The following LRRTM4 variants were observed in gnomAD, a reference collection of about 807,000 sequenced individuals.
The protein encoded by LRRTM4 is leucine-rich repeat transmembrane neuronal protein 4.
Under a neutral mutation model 47.6 loss-of-function variants are expected in LRRTM4, and 25 were observed. The ratio of observed to expected loss-of-function variants is 0.53; its 90% CI spans 0.38 to 0.73. The LOEUF (loss-of-function observed/expected upper bound fraction) is 0.73, where lower values mean the gene tolerates loss of function less well. Ranked by LOEUF, LRRTM4 falls within the 30% of genes least tolerant of loss-of-function variation. LRRTM4 has a pLI of 0.00. For synonymous variants in LRRTM4, 311 were observed against 269.5 expected, an observed-to-expected ratio of 1.15 and a Z score of -1.51; for missense variants, 638 against 713.4, an observed-to-expected ratio of 0.89 and a Z score of 1.20.
intron 3 of LRRTM4, among the ~76,000 whole-genome samples, chr2:77,283,616 T>C (rs1430866459): frequency 1.3e-5 from 2 of 152,066 alleles, no homozygotes; most frequent in African/African-American, 2.4e-5. Flanking sequence ...ATGGTTCATA[T>C]ACACCATGGA....
rs543245845 is a variant in LRRTM4 at position 76,880,794 on chromosome 2, A to G, written c.1552-131878T>C. On this transcript the variant is annotated intron_variant, in intron 3 of 3. Transcript: ENST00000409884. ...AGTGGGCAAACACAGTTACAACTACAACAATATCAGCAATGGCTTATTAAT... is the reference window on the plus strand; with the variant it reads ...AGTGGGCAAACACAGTTACAACTACGACAATATCAGCAATGGCTTATTAAT... Among the ~76,000 whole-genome samples the G allele has an allele frequency of 4.6e-5, 7 of 152,292 alleles. No homozygotes were observed. The South Asian group carries it at 1.2e-3, about 27-fold the overall frequency.
chr2:77,145,254 G>GTATA (rs34296253), intron 3 of LRRTM4, among the ~76,000 whole-genome samples: 33 of 149,562 alleles, frequency 2.2e-4, no homozygotes, highest in Admixed American at 4.7e-4. Context: ...ATCTATATGT[G>GTATA]TATATATATA....
chr2:77,210,442 T>C (rs2103921004), intron 3 of LRRTM4, among the ~76,000 whole-genome samples: 1 of 152,250 alleles, frequency 6.6e-6, no homozygotes, highest in East Asian at 1.9e-4. Flanking sequence ...TTAAAAATAG[T>C]TTAGGAAGTA....
chr2:76,759,540 A>G (rs1296319527), intron 3 of LRRTM4, among the ~76,000 whole-genome samples: 1 of 152,120 alleles, frequency 6.6e-6, no homozygotes, highest in Non-Finnish European at 1.5e-5. Context: ...CTTATAACTC[A>G]AGGCCTGGGA....
chr2:77,190,291 C>CTTTT (rs143873795), intron 3 of LRRTM4, among the ~76,000 whole-genome samples: 3 of 103,908 alleles, frequency 2.9e-5, no homozygotes, highest in Non-Finnish European at 3.6e-5. Context: ...GCATTTTCAT[C>CTTTT]TTTTTTTTTT....
chr2:77,173,612 A>G (rs1673114595), intron 3 of LRRTM4, among the ~76,000 whole-genome samples: 1 of 152,158 alleles, frequency 6.6e-6, no homozygotes, highest in African/African-American at 2.4e-5. Context: ...CTGTAGTGAC[A>G]TATTGCCACC....
chr2:76,953,219 A>C lies in LRRTM4; in HGVS notation c.1552-204303T>G, dbSNP rs1313894591. Among the ~76,000 whole-genome samples, 3 of 151,890 alleles carry C rather than the reference A, an allele frequency of 2.0e-5. 1 individual carries two copies. Among genetic ancestry groups the C allele is most frequent in the Admixed American group, 1.3e-4 (2 of 15,224 alleles). On this transcript the variant is annotated intron_variant, in intron 3 of 3. Transcript: ENST00000409884. ...AAAAAGAAAAACTTCAAACAAGAAGAGTTTATGGATGTCACCATGATAACA... is the reference window on the plus strand; with the variant it reads ...AAAAAGAAAAACTTCAAACAAGAAGCGTTTATGGATGTCACCATGATAACA...
At chr2:76,805,846 G>C (rs747539886) in intron 3 of LRRTM4, among the ~76,000 whole-genome samples, 4 of 151,658 alleles carry the variant, frequency 2.6e-5, no homozygotes, top group Non-Finnish European at 4.4e-5. Context: ...CTCACATCCT[G>C]ACTTTGGGGA....
At chr2:77,149,861 C>A (rs1432218311) in intron 3 of LRRTM4, among the ~76,000 whole-genome samples, 1 of 152,158 alleles carries the variant, frequency 6.6e-6, no homozygotes, top group African/African-American at 2.4e-5. Flanking sequence ...CACTCTCCCT[C>A]CTGCTCTGAT....
intron 3 of LRRTM4, among the ~76,000 whole-genome samples, chr2:76,974,857 G>A (rs60629265): frequency 0.018 from 2,651 of 151,476 alleles, 97 homozygotes; most frequent in African/African-American, 0.06. Context: ...TTAATTGGAG[G>A]AAATCACATG....
chr2:77,362,760 G>T (rs771393550), intron 3 of LRRTM4, among the ~76,000 whole-genome samples: 1 of 151,890 alleles, frequency 6.6e-6, no homozygotes, highest in East Asian at 1.9e-4. Flanking sequence ...CTTTTTGTTC[G>T]TAAAAATCAA....
intron 3 of LRRTM4, among the ~76,000 whole-genome samples, chr2:76,849,041 C>G (rs1671916285): frequency 6.6e-6 from 1 of 152,020 alleles, no homozygotes; most frequent in African/African-American, 2.4e-5. Flanking sequence ...TTCTTTCTCT[C>G]CCCCTATCTT....
chr2:76,929,945 G>A (rs1232932201), intron 3 of LRRTM4, among the ~76,000 whole-genome samples: 1 of 151,814 alleles, frequency 6.6e-6, no homozygotes, highest in South Asian at 2.1e-4. Context: ...GTGTGTGTGT[G>A]TGTGTGTGTG....
rs185811676 is a variant in LRRTM4, at chr2:76,976,832, G to A, written c.1552-227916C>T. 1.2e-3 allele frequency among the ~76,000 whole-genome samples: 177 copies of A among 151,962 alleles called. 2 individuals are homozygous for A. The highest frequency in any genetic ancestry group is 0.011 in the Admixed American group (171 of 15,218). ...TGTATATTTTCAAAAAGCCAGGAGA[G>A]AGGATTTTGAATGCTCATAACACAA... On this transcript the variant is annotated intron_variant, in intron 3 of 3. Coordinates refer to ENST00000409884, the MANE Select transcript of LRRTM4 (RefSeq NM_001134745.3).
intron 3 of LRRTM4, among the ~76,000 whole-genome samples, chr2:77,383,483 C>G (rs1673141120): frequency 6.6e-6 from 1 of 151,970 alleles, no homozygotes; most frequent in Non-Finnish European, 1.5e-5. Flanking sequence ...ATCTATTTGT[C>G]AAAGCTTTGA....
intron 3 of LRRTM4, among the ~76,000 whole-genome samples, chr2:77,383,999 T>C (rs1430297210): frequency 1.3e-5 from 2 of 152,138 alleles, no homozygotes; most frequent in Non-Finnish European, 2.9e-5. Context: ...GCATGACAGA[T>C]ACATTTGAAT....
chr2:76,985,464 T>C lies in LRRTM4; in HGVS notation c.1552-236548A>G, dbSNP rs777907034. Among the ~76,000 whole-genome samples, 219 of 152,064 alleles carry C rather than the reference T, an allele frequency of 1.4e-3. 1 individual carries two copies. The highest frequency in any genetic ancestry group is 2.0e-3 in the Non-Finnish European group (139 of 67,958). ...CAGAGGAATAAGAAGCAATAGGATG[T>C]CCCTTCCAGAGACCTTGAGTGACAG... On this transcript the variant is annotated intron_variant, in intron 3 of 3. Transcript: ENST00000409884.
chr2:76,984,420 C>T (rs1676723417), intron 3 of LRRTM4, among the ~76,000 whole-genome samples: 1 of 151,954 alleles, frequency 6.6e-6, no homozygotes, highest in South Asian at 2.1e-4. Context: ...ACAGCAGATA[C>T]TGTTGCATGT....
chr2:76,801,916 C>A (rs1453040123), intron 3 of LRRTM4, among the ~76,000 whole-genome samples: 1 of 152,088 alleles, frequency 6.6e-6, no homozygotes, highest in East Asian at 1.9e-4. Context: ...GGACAAAATT[C>A]AACATCTTTT....
Sources: allele counts gnomAD v4.1 joint callset (sites outside exome capture counted in the v4.1 genomes callset), GRCh38; gene constraint gnomAD v4.1.1; transcripts MANE v1.5; gene names NCBI Gene and HGNC (gene_info 2026-07-23, HGNC 2026-07-21).